Variants in FGF13 observed in about 807,000 individuals in gnomAD.
FGF13 encodes the protein fibroblast growth factor 13.
A neutral mutation model predicts 19.5 loss-of-function variants in FGF13; 2 were observed. The ratio of observed to expected loss-of-function variants is 0.10; its 90% CI spans 0.04 to 0.32. FGF13 has a LOEUF of 0.32. Ranked by LOEUF, FGF13 falls within the 10% of genes least tolerant of loss-of-function variation. The pLI, the probability that FGF13 is intolerant of heterozygous loss-of-function variation, is 1.00. For synonymous variants in FGF13, 72 were observed against 76.9 expected (o/e 0.94, Z 0.33); for missense variants, 113 against 192.7 (o/e 0.59, Z 2.45).
At chrX:139,162,249 C>G (rs1448102954) in intron 1 of FGF13, among the ~76,000 whole-genome samples, 1 of 111,968 alleles carries the variant, frequency 8.9e-6, no homozygotes, top group Admixed American at 9.5e-5. Context: ...AGCCACACAT[C>G]TACAACCTTC....
In FGF13 at chrX:139,134,201, G is replaced by A. The variant is rs1009512455; in HGVS notation, c.-113+69215C>T. 2.7e-5 allele frequency among the ~76,000 whole-genome samples: 3 copies of A among 111,490 alleles called. No homozygotes were observed. In the South Asian group the frequency reaches 1.1e-3, roughly 42 times the overall value. On this transcript the variant is annotated intron_variant, in intron 1 of 2. Coordinates refer to the FGF13 transcript ENST00000421460. ...CAACCATGCTCAACAACATTATTGT[G>A]TACTAATACTATGTGTCCTAATCCA...
chrX:138,912,330 G>C (rs1321584764), intron 1 of FGF13, among the ~76,000 whole-genome samples: 1 of 110,922 alleles, frequency 9.0e-6, no homozygotes, highest in Admixed American at 9.6e-5. Context: ...AAAAAAGAGT[G>C]GTTAGGTCCA....
At chrX:138,877,448 G>A (rs2091397329) in intron 1 of FGF13, among the ~76,000 whole-genome samples, 1 of 111,318 alleles carries the variant, frequency 9.0e-6, no homozygotes, top group African/African-American at 3.3e-5. Flanking sequence ...AATATATACA[G>A]CGTGAAACCA....
chrX:138,777,684 G>A (rs140531357), intron 3 of FGF13, among the ~76,000 whole-genome samples: 23 of 111,655 alleles, frequency 2.1e-4, no homozygotes, highest in East Asian at 1.7e-3. Flanking sequence ...AAACCATGCC[G>A]ACCAAAATAG....
intron 1 of FGF13, among the ~76,000 whole-genome samples, chrX:139,066,827 A>C (rs903164078): frequency 1.3e-4 from 14 of 111,306 alleles, no homozygotes; most frequent in African/African-American, 3.6e-4. Context: ...CAACCAAAAA[A>C]AAAAAGCAAA....
At chrX:138,900,199 A>G (rs974605944) in intron 1 of FGF13, among the ~76,000 whole-genome samples, 7 of 111,283 alleles carry the variant, frequency 6.3e-5, no homozygotes, top group Non-Finnish European at 1.3e-4. Context: ...TTTACATACC[A>G]TAAGCTGACC....
chrX:139,009,441 G>T (rs1016026761), intron 1 of FGF13, among the ~76,000 whole-genome samples: 1 of 111,835 alleles, frequency 8.9e-6, no homozygotes, highest in African/African-American at 3.2e-5. Flanking sequence ...CTTATCAGAT[G>T]AACGCAGATT....
In FGF13 at chrX:138,710,904, C is replaced by T; in HGVS notation, c.100G>A (p.Gly34Ser). The T allele has an allele frequency of 8.2e-7, 1 of 1,212,405 alleles. No homozygotes were observed. Among genetic ancestry groups the T allele is most frequent in the Non-Finnish European group, 1.1e-6 (1 of 895,672 alleles). ...ACKCVSSPSK[G>S]KTSCDKNKLN... Reference sequence around the variant, plus strand: ...TTGTTTTTGTCGCAGCTGGTCTTGCCTTTGCTGGGGCTGCTGACACACTTG... The same window carrying T: ...TTGTTTTTGTCGCAGCTGGTCTTGCTTTTGCTGGGGCTGCTGACACACTTG... Residue 34 changes from glycine to serine, a missense_variant, in exon 1 of 5, where the codon GGC becomes AGC. Gly to Ser is a moderately conservative substitution (Grantham distance 56). This residue lies in a region of FGF13 where 51 missense variants were observed against 78.5 expected (regional missense o/e 0.65). Transcript: ENST00000315930.
At chrX:138,714,170 G>A (rs1205248590), upstream of FGF13, 1 of 111,417 alleles carries the variant, frequency 9.0e-6, no homozygotes, top group Non-Finnish European at 1.9e-5. Flanking sequence ...TGAGACTTGA[G>A]AAGGGGGCAT....
At chrX:139,002,080 C>T (rs746020816) in intron 1 of FGF13, among the ~76,000 whole-genome samples, 2 of 110,707 alleles carry the variant, frequency 1.8e-5, no homozygotes, top group African/African-American at 6.6e-5. Context: ...CTCAGCAAAG[C>T]AACACAAGAA....
intron 1 of FGF13, among the ~76,000 whole-genome samples, chrX:138,959,805 T>C (rs756827614): frequency 1.1e-4 from 12 of 112,023 alleles, no homozygotes; most frequent in African/African-American, 3.6e-4. Flanking sequence ...TGATCTTTGT[T>C]GGTTTAAAGT....
intron 1 of FGF13, among the ~76,000 whole-genome samples, chrX:138,939,402 A>G (rs1481174136): frequency 8.9e-6 from 1 of 112,121 alleles, no homozygotes. Context: ...TAATTTTCAT[A>G]TGTTAGAGTT....
At chrX:138,801,163 C>G (rs190334522) in intron 3 of FGF13, among the ~76,000 whole-genome samples, 145 of 112,318 alleles carry the variant, frequency 1.3e-3, no homozygotes, top group Non-Finnish European at 1.9e-3. Context: ...AAGAGGCATT[C>G]TGGTTTTTGA....
rs781555036 is a variant in FGF13 at position 139,071,297 on chromosome X, C to T, written c.-113+132119G>A. ...ATTTTATTGACAATTTTCATTTTTTCGTTTATGCCTTCTATTGGTTTGGAA... is the reference window on the plus strand; with the variant it reads ...ATTTTATTGACAATTTTCATTTTTTTGTTTATGCCTTCTATTGGTTTGGAA... On this transcript the variant is annotated intron_variant, in intron 1 of 2. Coordinates refer to the FGF13 transcript ENST00000421460. Among the ~76,000 whole-genome samples, 6 of 111,406 alleles carry T rather than the reference C, an allele frequency of 5.4e-5. No homozygotes were observed. In the East Asian group the frequency reaches 1.4e-3, roughly 26 times the overall value.
chrX:139,099,320 A>G (rs2083491083), intron 1 of FGF13, among the ~76,000 whole-genome samples: 1 of 102,659 alleles, frequency 9.7e-6, no homozygotes. Flanking sequence ...GCTATCCACA[A>G]CTGGTTCTGT....
chrX:138,768,544 T>C lies in FGF13; in HGVS notation c.218-59616A>G, dbSNP rs1362657569. On this transcript the variant is annotated intron_variant, in intron 3 of 6. Transcript: ENST00000436198. ...TTGTACATGCACTCTTTTGTATGTATGTTATATTTTACGACAAAATTAAAA... is the reference window on the plus strand; with the variant it reads ...TTGTACATGCACTCTTTTGTATGTACGTTATATTTTACGACAAAATTAAAA... 2.7e-5 allele frequency among the ~76,000 whole-genome samples: 3 copies of C among 109,373 alleles called. No homozygotes were observed. In the Admixed American group the frequency reaches 3.0e-4, roughly 11 times the overall value. 95.0% of individuals were successfully genotyped at this position (109,373 alleles called of 115,157 possible). A position where few individuals can be genotyped will look rare whatever the true frequency, so the allele number is the denominator to read the frequency against.
chrX:138,776,270 C>CT (rs2090586917), intron 3 of FGF13, among the ~76,000 whole-genome samples: 1 of 112,424 alleles, frequency 8.9e-6, no homozygotes, highest in African/African-American at 3.2e-5. Flanking sequence ...GCAAAGAATA[C>CT]TTTTGAAAAT....
chrX:139,040,117 TA>T (rs1484404388), intron 1 of FGF13, among the ~76,000 whole-genome samples: 1 of 112,000 alleles, frequency 8.9e-6, no homozygotes, highest in Non-Finnish European at 1.9e-5. Context: ...ATAAAGTGTT[TA>T]AGTGTTTTAT....
chrX:139,119,873 A>C lies in FGF13; in HGVS notation c.-113+83543T>G, dbSNP rs1228534926. On this transcript the variant is annotated intron_variant, in intron 1 of 2. Coordinates refer to the FGF13 transcript ENST00000421460. Reference sequence around the variant, plus strand: ...CAGATGAGGCAAGTGGAGCACAAAGAGGTGAAGGCACTTGACAAAGGTCCC... The same window carrying C: ...CAGATGAGGCAAGTGGAGCACAAAGCGGTGAAGGCACTTGACAAAGGTCCC... 2.7e-5 allele frequency among the ~76,000 whole-genome samples: 3 copies of C among 112,558 alleles called. No homozygotes were observed. In the East Asian group the frequency reaches 8.4e-4, roughly 32 times the overall value.
Sources: allele counts gnomAD v4.1 joint callset (sites outside exome capture counted in the v4.1 genomes callset), GRCh38; gene constraint gnomAD v4.1.1; regional missense constraint gnomAD v4.1.1; transcripts MANE v1.5; gene names NCBI Gene and HGNC (gene_info 2026-07-23, HGNC 2026-07-21).